SLC25A36: variants seen among roughly 807,000 people sequenced by gnomAD.
The protein encoded by SLC25A36 is epididymis secretory sperm binding protein.
A neutral mutation model predicts 35.3 loss-of-function variants in SLC25A36; 24 were observed. The ratio of observed to expected loss-of-function variants is 0.68; its 90% CI spans 0.49 to 0.96. SLC25A36 has a LOEUF of 0.96. Among genes scored for constraint, SLC25A36 ranks in the 40% least tolerant of loss-of-function variants. SLC25A36 has a pLI of 0.00. For synonymous variants in SLC25A36, 141 were observed against 132.2 expected (o/e 1.07, Z -0.46); for missense variants, 294 against 381.1 (o/e 0.77, Z 1.90).
At chr3:140,971,116 T>G in intron 5 of SLC25A36, 123 bp downstream of exon 5, 1 of 554,762 alleles carries the variant, frequency 1.8e-6, no homozygotes, top group Non-Finnish European at 3.3e-6. Flanking sequence ...GAAACTTGGG[T>G]CTGCCATCAG....
chr3:140,974,364 A>AT lies in SLC25A36; in HGVS notation c.742+363dup, dbSNP rs1421230781. 2.0e-5 allele frequency among the ~76,000 whole-genome samples: 3 copies of AT among 152,016 alleles called. No individual in the cohort carries two copies. In the East Asian group the frequency reaches 5.8e-4, roughly 29 times the overall value. On this transcript the variant is annotated intron_variant, in intron 6 of 6. Transcript: ENST00000324194. ...TACATAAAAATTCTCTAAAGTACTT[A>AT]TTTTCCCTGTTATGCTAGAACATAA...
At chr3:140,967,959 A>AT in intron 4 of SLC25A36, 1 of 984,614 alleles carries the variant, frequency 1.0e-6, no homozygotes, top group Non-Finnish European at 1.2e-6. Flanking sequence ...ATGTCACAAA[A>AT]TTAAAATGCA....
At chr3:140,955,231 C>G (rs984001379) in intron 1 of SLC25A36, among the ~76,000 whole-genome samples, 5 of 151,922 alleles carry the variant, frequency 3.3e-5, no homozygotes, top group African/African-American at 1.2e-4. Context: ...ATTGCCATGC[C>G]TGCTTTCCTT....
At chr3:140,952,472 G>A (rs1014272636) in intron 1 of SLC25A36, among the ~76,000 whole-genome samples, 1 of 152,118 alleles carries the variant, frequency 6.6e-6, no homozygotes, top group African/African-American at 2.4e-5. Context: ...TGTTTTACTT[G>A]CTGAAGTGTT....
chr3:140,947,344 T>C (rs981391844), intron 1 of SLC25A36, among the ~76,000 whole-genome samples: 1 of 151,994 alleles, frequency 6.6e-6, no homozygotes, highest in Non-Finnish European at 1.5e-5. Context: ...ACCTGCCACA[T>C]TCCCTCAGCC....
chr3:140,973,275 TC>T (rs1246678476), intron 5 of SLC25A36: 3 of 152,374 alleles, frequency 2.0e-5, no homozygotes, highest in Non-Finnish European at 2.9e-5. Flanking sequence ...TTTATGATAT[TC>T]TATCATCATT....
chr3:140,959,589 G>GT, intron 3 of SLC25A36, 49 bp downstream of exon 3: 1 of 847,182 alleles, frequency 1.2e-6, no homozygotes, highest in Non-Finnish European at 1.7e-6. Flanking sequence ...AATCTCTTTT[G>GT]TTTCAGCACA....
chr3:140,952,305 A>G (rs1934349618), intron 1 of SLC25A36, among the ~76,000 whole-genome samples: 1 of 152,156 alleles, frequency 6.6e-6, no homozygotes, highest in African/African-American at 2.4e-5. Flanking sequence ...GAAGTGAGCC[A>G]CAACGCCCGG....
intron 1 of SLC25A36, among the ~76,000 whole-genome samples, chr3:140,952,059 C>T (rs1248812036): frequency 2.0e-5 from 3 of 150,704 alleles, no homozygotes; most frequent in Non-Finnish European, 4.4e-5. Context: ...TCTTGTTGCC[C>T]AGGCTGGAGT....
intron 1 of SLC25A36, among the ~76,000 whole-genome samples, chr3:140,955,445 A>T (rs1356873915): frequency 2.0e-5 from 3 of 152,122 alleles, no homozygotes; most frequent in Non-Finnish European, 4.4e-5. Context: ...TAAAGGCTTC[A>T]CTTGGTAGTT....
At chr3:140,968,788 T>A in intron 4 of SLC25A36, 7 of 580,084 alleles carry the variant, frequency 1.2e-5, no homozygotes, top group Non-Finnish European at 1.3e-5. Context: ...AAAAAAAAAC[T>A]TAGGTGCTCA....
intron 4 of SLC25A36, chr3:140,967,980 T>C: frequency 2.0e-6 from 2 of 984,962 alleles, no homozygotes; most frequent in Non-Finnish European, 2.4e-6. Flanking sequence ...AAATAAAAAG[T>C]AATAGGCAAT....
intron 2 of SLC25A36, among the ~76,000 whole-genome samples, chr3:140,958,317 C>T (rs945593063): frequency 5.9e-5 from 9 of 152,156 alleles, no homozygotes; most frequent in Admixed American, 5.2e-4. Context: ...TAACTTACTC[C>T]AGGAAAGTCT....
chr3:140,946,728 A>G (rs1276308131), intron 1 of SLC25A36, among the ~76,000 whole-genome samples: 1 of 152,198 alleles, frequency 6.6e-6, no homozygotes, highest in Non-Finnish European at 1.5e-5. Flanking sequence ...GAGATGGGCA[A>G]GATTGCAGAT....
intron 4 of SLC25A36, chr3:140,970,335 A>G (rs1045405986): frequency 9.9e-5 from 15 of 152,016 alleles, no homozygotes; most frequent in African/African-American, 3.4e-4. Context: ...GGCCTGTCCT[A>G]TTAACCCTAA....
chr3:140,976,139 A>G lies in SLC25A36; in HGVS notation c.743-121A>G, dbSNP rs144256532. On this transcript the variant is annotated intron_variant, in intron 6 of 6. Coordinates refer to ENST00000324194, the MANE Select transcript of SLC25A36 (RefSeq NM_001104647.3). ...GACTGGTTTCAATAAGCTACACATT[A>G]GAAGCCATCCTTTTTTATCCTGAGC... 7.4e-4 allele frequency: 496 copies of G among 671,624 alleles called. 2 individuals are homozygous for G. In the African/African-American group the frequency reaches 8.1e-3, roughly 11 times the overall value. 41.6% of individuals were successfully genotyped at this position (671,624 alleles called of 1,614,324 possible).
At chr3:140,974,404 C>T (rs941797866) in intron 6 of SLC25A36, among the ~76,000 whole-genome samples, 1 of 151,922 alleles carries the variant, frequency 6.6e-6, no homozygotes, top group African/African-American at 2.4e-5. Context: ...AATTGTTCTC[C>T]TTTTCAAATT....
intron 1 of SLC25A36, among the ~76,000 whole-genome samples, chr3:140,953,404 G>C (rs982007002): frequency 2.7e-5 from 4 of 146,864 alleles, no homozygotes; most frequent in African/African-American, 5.1e-5. Context: ...TTTGGGGGGG[G>C]GGTTAAATTT....
At chr3:140,970,219 G>A (rs1321409709) in intron 4 of SLC25A36, 1 of 151,898 alleles carries the variant, frequency 6.6e-6, no homozygotes, top group Non-Finnish European at 1.5e-5. Context: ...GTAAACTAGA[G>A]CTGTCTTCTA....
Sources: allele counts gnomAD v4.1 joint callset (sites outside exome capture counted in the v4.1 genomes callset), GRCh38; gene constraint gnomAD v4.1.1; transcripts MANE v1.5; gene names NCBI Gene and HGNC (gene_info 2026-07-23, HGNC 2026-07-21).